The following NLK variants were observed in gnomAD, a reference collection of about 807,000 sequenced individuals.
The protein encoded by NLK is serine/threonine-protein kinase NLK.
In NLK, 11 loss-of-function variants were observed where a neutral mutation model predicts 59.0. The observed-to-expected ratio is 0.19, with a 90% CI of 0.12 to 0.31. The LOEUF (loss-of-function observed/expected upper bound fraction) is 0.31. Ranked by LOEUF, NLK falls within the 10% of genes least tolerant of loss-of-function variation. The pLI is 1.00. For synonymous variants in NLK, 235 were observed against 235.9 expected, an observed-to-expected ratio of 1.00 and a Z score of 0.03; for missense variants, 410 against 661.1, an observed-to-expected ratio of 0.62 and a Z score of 4.16.
chr17:28,110,293 AT>A (rs1380709033), intron 1 of NLK, among the ~76,000 whole-genome samples: 4 of 151,994 alleles, frequency 2.6e-5, no homozygotes, highest in African/African-American at 9.7e-5. Flanking sequence ...CTGATATAGA[AT>A]TTTTGCTTTC....
rs1040114463 is a variant in NLK at position 28,180,649 on chromosome 17, A to G, written c.1150-4530A>G. Among the ~76,000 whole-genome samples, 20 of 152,232 alleles carry G rather than the reference A, an allele frequency of 1.3e-4. No individual in the cohort carries two copies. In the East Asian group the frequency reaches 1.7e-3, roughly 13 times the overall value. On this transcript the variant is annotated intron_variant, in intron 7 of 10. Coordinates refer to ENST00000407008, the MANE Select transcript of NLK (RefSeq NM_016231.5). Reference sequence around the variant, plus strand: ...GCTATGACATATCTTCACCACAAAAATAGTTTGAGTAGTTTCACTTTGAGA... The same window carrying G: ...GCTATGACATATCTTCACCACAAAAGTAGTTTGAGTAGTTTCACTTTGAGA...
At chr17:28,182,632 A>G (rs1908955091) in intron 7 of NLK, among the ~76,000 whole-genome samples, 1 of 152,234 alleles carries the variant, frequency 6.6e-6, no homozygotes, top group Non-Finnish European at 1.5e-5. Context: ...GTTTGCCTTG[A>G]AAGTAATGTA....
chr17:28,101,446 A>G (rs947735414), intron 1 of NLK, among the ~76,000 whole-genome samples: 1 of 152,140 alleles, frequency 6.6e-6, no homozygotes, highest in Non-Finnish European at 1.5e-5. Context: ...GTTGTCACCA[A>G]TTTCTCTTTG....
chr17:28,086,188 A>G (rs1236339334), intron 1 of NLK, among the ~76,000 whole-genome samples: 1 of 152,230 alleles, frequency 6.6e-6, no homozygotes, highest in East Asian at 1.9e-4. Context: ...GAAAGGATTT[A>G]CAAGTTTTTT....
chr17:28,086,526 T>C (rs1166566593), intron 1 of NLK, among the ~76,000 whole-genome samples: 1 of 152,198 alleles, frequency 6.6e-6, no homozygotes, highest in Non-Finnish European at 1.5e-5. Flanking sequence ...TGTATGAAAA[T>C]ACAGTTTTAT....
At chr17:28,137,458 C>G (rs1194098073) in intron 3 of NLK, among the ~76,000 whole-genome samples, 3 of 151,932 alleles carry the variant, frequency 2.0e-5, no homozygotes, top group Non-Finnish European at 4.4e-5. Flanking sequence ...TACACTTTTT[C>G]TAAGATTAGA....
At chr17:28,162,226 AG>A (rs1908036650) in intron 4 of NLK, among the ~76,000 whole-genome samples, 1 of 152,072 alleles carries the variant, frequency 6.6e-6, no homozygotes, top group South Asian at 2.1e-4. Context: ...CGTATTAGCC[AG>A]GATGATCTTG....
At chr17:28,162,918 CAAAAA>C (rs34292175) in intron 4 of NLK, among the ~76,000 whole-genome samples, 1 of 117,828 alleles carries the variant, frequency 8.5e-6, no homozygotes, top group African/African-American at 3.2e-5. Context: ...GACCCTGTCT[CAAAAA>C]AAAAAAAGAA....
intron 1 of NLK, among the ~76,000 whole-genome samples, chr17:28,088,790 G>T (rs1271726181): frequency 6.6e-6 from 1 of 152,070 alleles, no homozygotes; most frequent in Non-Finnish European, 1.5e-5. Context: ...ATTTCTCCAA[G>T]GTTCCCTTGG....
chr17:28,074,637 A>C (rs1372949394), intron 1 of NLK, among the ~76,000 whole-genome samples: 1 of 152,172 alleles, frequency 6.6e-6, no homozygotes, highest in East Asian at 1.9e-4. Flanking sequence ...TTACGAAAAG[A>C]GATCTAAGGG....
At chr17:28,182,928 A>C (rs1366943663) in intron 7 of NLK, among the ~76,000 whole-genome samples, 2 of 152,246 alleles carry the variant, frequency 1.3e-5, no homozygotes, top group African/African-American at 4.8e-5. Context: ...CCACAAATAT[A>C]ATCATAGTGA....
chr17:28,198,567 C>T (rs1909543561), downstream of NLK, among the ~76,000 whole-genome samples: 1 of 152,162 alleles, frequency 6.6e-6, no homozygotes, highest in African/African-American at 2.4e-5. Flanking sequence ...TCAAATGATC[C>T]ACCCACCTTG....
At position 28,154,522 on chromosome 17, in the gene NLK, CAAT is replaced by C. The variant is rs1907619433; in HGVS notation, c.645-6633_645-6631del. Among the ~76,000 whole-genome samples, 3 of 152,188 alleles carry C rather than the reference CAAT, an allele frequency of 2.0e-5. No homozygotes were observed. The South Asian group carries it at 6.2e-4, about 32-fold the overall frequency. ...CCCACAGAGCTACATTATAGTGAAA[CAAT>C]AATATTGTAAACATCCAGTGGCAGG... On this transcript the variant is annotated intron_variant, in intron 3 of 10. Coordinates refer to ENST00000407008, the MANE Select transcript of NLK (RefSeq NM_016231.5).
chr17:28,161,958 A>G (rs944150283), intron 4 of NLK, among the ~76,000 whole-genome samples: 1 of 152,194 alleles, frequency 6.6e-6, no homozygotes, highest in Non-Finnish European at 1.5e-5. Context: ...CCCAGAATTC[A>G]TAGAATTAAG....
At chr17:28,105,595 T>G (rs1041185089) in intron 1 of NLK, among the ~76,000 whole-genome samples, 2 of 152,154 alleles carry the variant, frequency 1.3e-5, no homozygotes, top group African/African-American at 4.8e-5. Context: ...AAAAATTGAT[T>G]TGGGAAAAAG....
intron 3 of NLK, among the ~76,000 whole-genome samples, chr17:28,134,870 T>C (rs1037037783): frequency 2.6e-5 from 4 of 152,234 alleles, no homozygotes; most frequent in African/African-American, 9.6e-5. Flanking sequence ...GTAGAAGGAT[T>C]GAGAAAGTTC....
intron 3 of NLK, among the ~76,000 whole-genome samples, chr17:28,133,950 C>A (rs17719191): frequency 0.04 from 6,116 of 151,898 alleles, 191 homozygotes; most frequent in Non-Finnish European, 0.057. Flanking sequence ...ATTTGGGAAA[C>A]CTTATATGGT....
the NLK span, among the ~76,000 whole-genome samples, chr17:28,202,968 C>T: frequency 6.6e-6 from 1 of 152,036 alleles, no homozygotes; most frequent in Non-Finnish European, 1.5e-5. Context: ...AGGCATAAGC[C>T]ACTGCGCCCG....
chr17:28,062,356 A>G (rs1249305421), intron 1 of NLK, among the ~76,000 whole-genome samples: 1 of 152,202 alleles, frequency 6.6e-6, no homozygotes, highest in Non-Finnish European at 1.5e-5. Context: ...AAATACCATT[A>G]TTGAACTTCA....
Sources: allele counts gnomAD v4.1 joint callset (sites outside exome capture counted in the v4.1 genomes callset), GRCh38; gene constraint gnomAD v4.1.1; transcripts MANE v1.5; gene names NCBI Gene and HGNC (gene_info 2026-07-23, HGNC 2026-07-21).